Variants in NBN observed in about 807,000 individuals in gnomAD.
The protein encoded by NBN is Nijmegen breakage syndrome 1 (nibrin).
A neutral mutation model predicts 90.8 loss-of-function variants in NBN; 88 were observed. That is an observed-to-expected ratio of 0.97 (90% CI 0.82 to 1.16). The LOEUF (loss-of-function observed/expected upper bound fraction) is 1.16. Ranked by LOEUF, NBN falls within the 50% of genes most tolerant of loss-of-function variation. NBN has a pLI of 0.00. For synonymous variants in NBN, 328 were observed against 295.1 expected (o/e 1.11, Z -1.14); for missense variants, 894 against 869.6 (o/e 1.03, Z -0.35).
Position 89,955,765 on chromosome 8 carries a change from C to T in NBN, c.1125-210G>A, listed in dbSNP as rs764714027. On this transcript the variant is annotated intron_variant, in intron 9 of 15. Transcript: ENST00000265433. The stretch of plus-strand genomic sequence containing the variant: ...AAGGATGATACCTTACTCTTCTTCA[C>T]CCCCTACAGCACATATTGTTGCTCC... Among the ~76,000 whole-genome samples the T allele has an allele frequency of 3.3e-4, 50 of 152,206 alleles. No individual in the cohort carries two copies. In the Middle Eastern group the frequency reaches 0.02, roughly 62 times the overall value.
intron 14 of NBN, among the ~76,000 whole-genome samples, chr8:89,940,622 G>C (rs1483725569): frequency 8.6e-6 from 1 of 116,030 alleles, no homozygotes; most frequent in Non-Finnish European, 1.8e-5. Context: ...CCATCTACTA[G>C]AGGAAAAAAA....
At chr8:89,951,350 G>C (rs569732549) in intron 11 of NBN, among the ~76,000 whole-genome samples, 4 of 150,028 alleles carry the variant, frequency 2.7e-5, no homozygotes, top group Admixed American at 2.7e-4. Flanking sequence ...CATGTACTAG[G>C]ACAAGAAGAC....
intron 14 of NBN, among the ~76,000 whole-genome samples, chr8:89,939,783 G>C (rs1809857360): frequency 6.6e-6 from 1 of 152,148 alleles, no homozygotes; most frequent in Non-Finnish European, 1.5e-5. Flanking sequence ...AAAGAAGCAG[G>C]GCTGACACTG....
At chr8:89,980,977 A>C in intron 3 of NBN, 84 bp from the exon 4 acceptor site, 5 of 1,132,068 alleles carry the variant, frequency 4.4e-6, no homozygotes, top group African/African-American at 1.5e-5. Flanking sequence ...CTTTAAGCTC[A>C]CATCATATAC....
Position 89,970,495 on chromosome 8 carries a change from C to T in NBN, c.765G>A (p.Glu255=). The change falls in exon 7 of 16, where the codon GAG becomes GAA. Residue 255 remains glutamate (E), a synonymous_variant. Coordinates refer to ENST00000265433, the MANE Select transcript of NBN (RefSeq NM_002485.5). ...AAAAGAAATTATGTTCTTCTTCATT[C>T]TCTTCTGTTATCAACCTAGCTTCCC... The part of the protein sequence containing the change: ...GGGEARLITE[E]NEEEHNFFLA... 1.2e-6 allele frequency: 2 copies of T among 1,613,900 alleles called. No individual in the cohort carries two copies. Among genetic ancestry groups the T allele is most frequent in the South Asian group, 1.1e-5 (1 of 91,080 alleles).
chr8:89,971,118 T>C (rs1811493674), intron 6 of NBN, 55 bp downstream of exon 6: 1 of 1,531,110 alleles, frequency 6.5e-7, no homozygotes, highest in Non-Finnish European at 9.0e-7. Context: ...GAGTTAATAA[T>C]GTATCCTAGT....
chr8:89,950,181 G>C (rs1035152922), intron 11 of NBN, among the ~76,000 whole-genome samples: 1 of 152,194 alleles, frequency 6.6e-6, no homozygotes, highest in Non-Finnish European at 1.5e-5. Context: ...CTGGAATACA[G>C]TGATTTAACT....
chr8:89,960,592 C>T (rs1333312835), intron 8 of NBN, among the ~76,000 whole-genome samples: 1 of 151,878 alleles, frequency 6.6e-6, no homozygotes, highest in Non-Finnish European at 1.5e-5. Context: ...TTCAAGGCTG[C>T]GTGAGTTATG....
intron 1 of NBN, 108 bp downstream of exon 1, chr8:89,984,417 C>G: frequency 9.4e-7 from 1 of 1,063,452 alleles, no homozygotes; most frequent in Non-Finnish European, 1.4e-6. Flanking sequence ...ACCGCTTCCG[C>G]AGCGTCCCCG....
At chr8:89,967,062 C>T (rs762174619) in intron 7 of NBN, among the ~76,000 whole-genome samples, 5 of 152,164 alleles carry the variant, frequency 3.3e-5, no homozygotes, top group Admixed American at 6.5e-5. Context: ...ATTATGACAT[C>T]GGCAAGAAAA....
At chr8:89,944,375 T>C (rs1374253325) in intron 13 of NBN, among the ~76,000 whole-genome samples, 1 of 152,174 alleles carries the variant, frequency 6.6e-6, no homozygotes, top group African/African-American at 2.4e-5. Context: ...AAAATTTTTA[T>C]ACATCTCTGG....
intron 4 of NBN, among the ~76,000 whole-genome samples, chr8:89,979,448 T>A (rs955420695): frequency 2.0e-5 from 3 of 152,212 alleles, no homozygotes; most frequent in African/African-American, 7.2e-5. Flanking sequence ...TAAACTCTAA[T>A]ACATGTGACT....
At chr8:89,950,756 C>T (rs907893691) in intron 11 of NBN, among the ~76,000 whole-genome samples, 1 of 151,710 alleles carries the variant, frequency 6.6e-6, no homozygotes, top group African/African-American at 2.4e-5. Flanking sequence ...AAGTTTCTTT[C>T]GGTCTATGAA....
In NBN at chr8:89,953,670, T is replaced by C. The variant is rs587780535; in HGVS notation, c.1419A>G (p.Gln473=). The part of the protein sequence containing the change: ...TKKRERDEEN[Q]EMSSCKSARI... ...TTGCTGATTTGCATGAAGACATTTC[T>C]TGATTTTCTTCATCCCTTTCCCTTA... The change falls in exon 11 of 16, where the codon CAA becomes CAG. Residue 473 remains glutamine (Q), a synonymous_variant. Coordinates refer to ENST00000265433, the MANE Select transcript of NBN (RefSeq NM_002485.5). 28 of 1,611,384 alleles carry C rather than the reference T, an allele frequency of 1.7e-5. No individual in the cohort carries two copies. The highest frequency in any genetic ancestry group is 2.3e-5 in the Non-Finnish European group (27 of 1,179,162).
chr8:89,970,622 G>T, intron 6 of NBN, 65 bp from the exon 7 acceptor site: 1 of 1,456,306 alleles, frequency 6.9e-7, no homozygotes, highest in South Asian at 1.2e-5. Context: ...ATAAGAATTT[G>T]ATTTGGGAAA....
chr8:89,984,414 C>T (rs1812231058), intron 1 of NBN, 111 bp downstream of exon 1: 1 of 1,037,550 alleles, frequency 9.6e-7, no homozygotes, highest in Non-Finnish European at 1.5e-6. Flanking sequence ...GCGACCGCTT[C>T]CGCAGCGTCC....
chr8:89,958,909 C>T (rs1052124370), intron 8 of NBN, 55 bp from the exon 9 acceptor site: 1 of 1,601,020 alleles, frequency 6.2e-7, no homozygotes, highest in African/African-American at 1.3e-5. Flanking sequence ...AGAAGATGAA[C>T]ATCTGGTCAC....
rs1361799559 is a variant in NBN, at chr8:89,943,302, T to C, written c.2135A>G (p.His712Arg). 2 of 1,613,612 alleles carry C rather than the reference T, an allele frequency of 1.2e-6. No individual in the cohort carries two copies. Among genetic ancestry groups the C allele is most frequent in the Admixed American group, 1.7e-5 (1 of 60,012 alleles). Reference sequence around the variant, plus strand: ...TTCTAGTTCTGTATTCTTTCGAGCATGATGAGCTATTAGATCTGATCCTCC... The same window carrying C: ...TTCTAGTTCTGTATTCTTTCGAGCACGATGAGCTATTAGATCTGATCCTCC... ...IIGGSDLIAH[H>R]ARKNTELEEW... is the part of the protein sequence containing the mutation. The change falls in exon 14 of 16, where the codon CAT becomes CGT. Residue 712 changes from histidine to arginine, a missense_variant. His to Arg is a conservative substitution (Grantham distance 29). Transcript: ENST00000265433.
At chr8:89,973,384 A>T (rs138087819) in intron 5 of NBN, among the ~76,000 whole-genome samples, 7 of 152,230 alleles carry the variant, frequency 4.6e-5, no homozygotes, top group Admixed American at 2.0e-4. Context: ...TTTTGAGAAC[A>T]CTGATAAATT....
Sources: allele counts gnomAD v4.1 joint callset (sites outside exome capture counted in the v4.1 genomes callset), GRCh38; gene constraint gnomAD v4.1.1; transcripts MANE v1.5; gene names NCBI Gene and HGNC (gene_info 2026-07-23, HGNC 2026-07-21).